NOC3L: variants seen among roughly 807,000 people sequenced by gnomAD.
NOC3L encodes NOC3 like DNA replication regulator.
NOC3L carries 85 observed loss-of-function variants against 102.5 expected under a neutral mutation model. The ratio of observed to expected loss-of-function variants is 0.83; its 90% CI spans 0.70 to 0.99. NOC3L has a LOEUF of 0.99. Ranked by LOEUF, NOC3L falls within the 50% of genes least tolerant of loss-of-function variation. The pLI is 0.00. For synonymous variants in NOC3L, 303 were observed against 309.4 expected (o/e 0.98, Z 0.22); for missense variants, 878 against 914.9 (o/e 0.96, Z 0.52).
At chr10:94,343,811 C>T (rs1193693571) in intron 13 of NOC3L, among the ~76,000 whole-genome samples, 6 of 152,106 alleles carry the variant, frequency 3.9e-5, no homozygotes. Context: ...AAATTAATTT[C>T]ACCTGTTTCT....
intron 13 of NOC3L, among the ~76,000 whole-genome samples, chr10:94,342,726 A>T (rs1002225164): frequency 4.0e-5 from 6 of 150,216 alleles, no homozygotes; most frequent in African/African-American, 1.5e-4. Flanking sequence ...CTGTTTACAA[A>T]ACCAAAAAAA....
At chr10:94,328,101 A>G in the NOC3L span, 1 of 416,194 alleles carries the variant, frequency 2.4e-6, no homozygotes, top group Admixed American at 2.7e-5. Context: ...GCTGAGGAGA[A>G]GCAAAATGGC....
At chr10:94,361,562 C>G (rs1255439218) in intron 2 of NOC3L, 103 bp downstream of exon 2, 1 of 1,083,806 alleles carries the variant, frequency 9.2e-7, no homozygotes, top group African/African-American at 1.6e-5. Flanking sequence ...CTAGGAAGAT[C>G]TGAGAACAAG....
rs144517184 is a variant in NOC3L, at chr10:94,361,683, G to A, written c.199C>T (p.Pro67Ser). 1.2e-4 allele frequency: 190 copies of A among 1,613,830 alleles called. 1 individual carries two copies. In the African/African-American group the frequency reaches 2.3e-3, roughly 19 times the overall value. Residue 67 changes from proline to serine, a missense_variant, in exon 2 of 21, where the codon CCA (proline) becomes TCA (serine). Coordinates refer to ENST00000371361, the MANE Select transcript of NOC3L (RefSeq NM_022451.11). ...VSKKPIPLENPKEKRPGKRIE... is the reference protein window; with the variant it reads ...VSKKPIPLENSKEKRPGKRIE... ...CAATTACCTGGTCGCTTTTCCTTTG[G>A]GTTCTCCAATGGAATGGGTTTCTTA...
the NOC3L span, among the ~76,000 whole-genome samples, chr10:94,317,857 C>CA: frequency 6.6e-6 from 1 of 152,148 alleles, no homozygotes; most frequent in Non-Finnish European, 1.5e-5. Flanking sequence ...TGAGTCTATT[C>CA]AACAATTTGA....
chr10:94,342,553 TACACAC>T (rs3052367), intron 13 of NOC3L, among the ~76,000 whole-genome samples: 24,299 of 147,838 alleles, frequency 0.16, 2,070 homozygotes, highest in Middle Eastern at 0.23. Context: ...TGCATGAAGA[TACACAC>T]ACACACACAC....
chr10:94,338,045 G>A (rs899419783), intron 18 of NOC3L, among the ~76,000 whole-genome samples, 171 bp from the exon 19 acceptor site: 5 of 152,112 alleles, frequency 3.3e-5, no homozygotes, highest in African/African-American at 1.2e-4. Flanking sequence ...TATTATCTTT[G>A]CTAATAGGAT....
the NOC3L span, chr10:94,328,046 A>AATTG: frequency 5.9e-6 from 3 of 510,622 alleles, no homozygotes; most frequent in African/African-American, 3.9e-5. Context: ...TTAAACTGGA[A>AATTG]ATTGATGATT....
At chr10:94,362,699 T>C (rs2054565766) in intron 1 of NOC3L, 131 bp downstream of exon 1, 2 of 936,108 alleles carry the variant, frequency 2.1e-6, no homozygotes, top group East Asian at 2.4e-5. Flanking sequence ...GTGTAAGGAA[T>C]GGAAAGCCCC....
the NOC3L span, among the ~76,000 whole-genome samples, chr10:94,322,806 A>G: frequency 7.3e-5 from 11 of 151,688 alleles, no homozygotes; most frequent in Non-Finnish European, 1.5e-4. Context: ...AAGTACAAAA[A>G]TTAGCCAGGC....
intron 1 of NOC3L, among the ~76,000 whole-genome samples, chr10:94,362,314 T>C (rs2054560220): frequency 6.6e-6 from 1 of 152,222 alleles, no homozygotes; most frequent in African/African-American, 2.4e-5. Context: ...ACATTACTGA[T>C]GAAGCTGCCA....
chr10:94,327,280 A>G, the NOC3L span, among the ~76,000 whole-genome samples: 1 of 152,036 alleles, frequency 6.6e-6, no homozygotes, highest in Non-Finnish European at 1.5e-5. Flanking sequence ...AAAAGAAAAG[A>G]AGAGCTCATA....
intron 2 of NOC3L, among the ~76,000 whole-genome samples, chr10:94,358,840 A>G (rs1426006744): frequency 1.3e-5 from 2 of 152,168 alleles, no homozygotes; most frequent in Non-Finnish European, 2.9e-5. Flanking sequence ...TCCCTCACTT[A>G]GACTGCAAGA....
chr10:94,343,992 G>A (rs1319206851), intron 13 of NOC3L, among the ~76,000 whole-genome samples: 2 of 152,156 alleles, frequency 1.3e-5, no homozygotes, highest in East Asian at 1.9e-4. Context: ...GGCCATTAGT[G>A]TTGAGTGAAT....
the NOC3L span, among the ~76,000 whole-genome samples, chr10:94,323,013 A>G: frequency 6.6e-6 from 1 of 152,182 alleles, no homozygotes; most frequent in East Asian, 1.9e-4. Context: ...CATTCCTTCA[A>G]CAGACACTTA....
intron 5 of NOC3L, 129 bp downstream of exon 5, chr10:94,356,406 T>A (rs2054484675): frequency 4.6e-6 from 3 of 651,504 alleles, no homozygotes; most frequent in Admixed American, 2.7e-5. Flanking sequence ...TGGAAAAATG[T>A]TCAAAGTGAC....
chr10:94,351,918 T>C (rs2054424238), intron 8 of NOC3L, among the ~76,000 whole-genome samples: 1 of 152,172 alleles, frequency 6.6e-6, no homozygotes, highest in Non-Finnish European at 1.5e-5. Context: ...TTTTGTTAAA[T>C]GCATTGTAGT....
chr10:94,326,842 G>A, the NOC3L span, among the ~76,000 whole-genome samples: 1 of 152,000 alleles, frequency 6.6e-6, no homozygotes, highest in East Asian at 1.9e-4. Context: ...GAATCATTCT[G>A]TTAACTTCAC....
the NOC3L span, among the ~76,000 whole-genome samples, chr10:94,326,781 C>G: frequency 6.6e-6 from 1 of 152,084 alleles, no homozygotes; most frequent in African/African-American, 2.4e-5. Context: ...TTTTTCTGAC[C>G]AATGGATTCA....
Sources: allele counts gnomAD v4.1 joint callset (sites outside exome capture counted in the v4.1 genomes callset), GRCh38; gene constraint gnomAD v4.1.1; transcripts MANE v1.5; gene names NCBI Gene and HGNC (gene_info 2026-07-23, HGNC 2026-07-21).